LARGE1: variants seen among roughly 807,000 people sequenced by gnomAD.
The protein encoded by LARGE1 is LARGE xylosyl- and glucuronyltransferase 1.
In LARGE1, 43 loss-of-function variants were observed where a neutral mutation model predicts 87.6. The ratio of observed to expected loss-of-function variants is 0.49; its 90% CI spans 0.38 to 0.63. The LOEUF is 0.63. Ranked by LOEUF, LARGE1 falls within the 30% of genes least tolerant of loss-of-function variation. The probability of loss-of-function intolerance (pLI) is 0.00; values close to 1 mark genes in which losing one functional copy is unlikely to be tolerated. For synonymous variants in LARGE1, 434 were observed against 394.6 expected, an observed-to-expected ratio of 1.10 and a Z score of -1.18; for missense variants, 802 against 1,000.2, an observed-to-expected ratio of 0.80 and a Z score of 2.67.
At chr22:33,372,755 T>C (rs1391379069) in intron 9 of LARGE1, among the ~76,000 whole-genome samples, 3 of 152,130 alleles carry the variant, frequency 2.0e-5, no homozygotes, top group African/African-American at 7.2e-5. Flanking sequence ...TGTGTTTTGA[T>C]GAATGAAATT....
rs185283805 is a variant in LARGE1, at chr22:33,199,822, C to T, written c.1731-32990G>A. On this transcript the variant is annotated intron_variant, in intron 11 of 11. Coordinates refer to the LARGE1 transcript ENST00000608642. ...TGGAGGACACATTCAGTCCATAGTA[C>T]GTGCCTGGTACGTGCAGACACTTTT... Among the ~76,000 whole-genome samples the T allele has an allele frequency of 1.2e-4, 18 of 150,366 alleles. No homozygotes were observed. In the East Asian group the frequency reaches 3.1e-3, roughly 26 times the overall value.
chr22:33,084,397 G>A, the LARGE1 span, among the ~76,000 whole-genome samples: 1 of 151,876 alleles, frequency 6.6e-6, no homozygotes, highest in Admixed American at 6.6e-5. Context: ...AGTGGCTCAT[G>A]CCTTTAATCT....
intron 2 of LARGE1, among the ~76,000 whole-genome samples, chr22:33,654,299 G>GTTT (rs2080900169): frequency 6.6e-6 from 1 of 151,926 alleles, no homozygotes; most frequent in African/African-American, 2.4e-5. Flanking sequence ...CCGGTTTGTT[G>GTTT]GTTTGTTTTA....
intron 10 of LARGE1, among the ~76,000 whole-genome samples, chr22:33,331,624 T>C (rs1937715761): frequency 6.6e-6 from 1 of 152,122 alleles, no homozygotes; most frequent in African/African-American, 2.4e-5. Context: ...GCCAGGCTGG[T>C]CTTGAACTCC....
In LARGE1 at chr22:33,604,507, G is replaced by T; in HGVS notation, c.543C>A (p.Ile181=). ...HLIADSIAEQ[I]LATLFQTWMV... ...TCCAGGTCTGGAAGAGCGTGGCCAG[G>T]ATCTGCTCCGCAATGGAGTCAGCAA... The change falls in exon 5 of 15, where the codon ATC becomes ATA. Residue 181 remains isoleucine (I), a synonymous_variant. Transcript: ENST00000397394. The T allele has an allele frequency of 1.2e-6, 2 of 1,614,132 alleles. No individual in the cohort carries two copies. The highest frequency in any genetic ancestry group is 1.7e-6 in the Non-Finnish European group (2 of 1,180,002).
intron 10 of LARGE1, chr22:33,320,897 G>A (rs12485121): frequency 1.3e-5 from 2 of 152,226 alleles, no homozygotes; most frequent in East Asian, 3.9e-4. Flanking sequence ...GAGAAGGGTG[G>A]AGGTGTCAAA....
chr22:33,802,957 T>G (rs896407879), intron 1 of LARGE1, among the ~76,000 whole-genome samples: 9 of 152,056 alleles, frequency 5.9e-5, no homozygotes, highest in Non-Finnish European at 1.3e-4. Flanking sequence ...GCTGGACAGA[T>G]AGATGGGTGG....
the LARGE1 span, among the ~76,000 whole-genome samples, chr22:33,134,619 C>T: frequency 4.6e-5 from 7 of 152,288 alleles, no homozygotes; most frequent in South Asian, 2.1e-4. Flanking sequence ...GTCTTAATAA[C>T]GGCAGTCATT....
At chr22:33,772,135 C>T (rs1486519046) in intron 1 of LARGE1, among the ~76,000 whole-genome samples, 1 of 152,154 alleles carries the variant, frequency 6.6e-6, no homozygotes, top group African/African-American at 2.4e-5. Context: ...AGACCGATAT[C>T]ATCCTGGCTA....
At chr22:33,443,157 T>G (rs2067547412) in intron 6 of LARGE1, among the ~76,000 whole-genome samples, 1 of 152,188 alleles carries the variant, frequency 6.6e-6, no homozygotes, top group Non-Finnish European at 1.5e-5. Context: ...GTGTACTTAT[T>G]TCTACCTTTC....
chr22:33,262,697 C>T (rs1331491840), intron 11 of LARGE1, among the ~76,000 whole-genome samples: 2 of 152,114 alleles, frequency 1.3e-5, no homozygotes, highest in African/African-American at 4.8e-5. Context: ...CCAATGATCT[C>T]ATTCTCTTTC....
intron 1 of LARGE1, chr22:33,856,933 T>G (rs1465745551): frequency 6.6e-6 from 1 of 151,992 alleles, no homozygotes; most frequent in Non-Finnish European, 1.5e-5. Flanking sequence ...AAAATAACTT[T>G]TTTTTTTCTT....
At chr22:33,685,784 G>A (rs1452489791) in intron 2 of LARGE1, among the ~76,000 whole-genome samples, 1 of 152,160 alleles carries the variant, frequency 6.6e-6, no homozygotes, top group East Asian at 1.9e-4. Flanking sequence ...GGAGACACAT[G>A]TGCCAACAAA....
chr22:33,510,803 T>C (rs2148438753), intron 6 of LARGE1, among the ~76,000 whole-genome samples: 2 of 152,276 alleles, frequency 1.3e-5, no homozygotes, highest in Middle Eastern at 6.8e-3. Context: ...CCCAGGCTGG[T>C]CTTGAACTCC....
chr22:33,693,870 C>T (rs147853861), intron 2 of LARGE1, among the ~76,000 whole-genome samples: 1 of 152,158 alleles, frequency 6.6e-6, no homozygotes, highest in East Asian at 1.9e-4. Flanking sequence ...AAAAGAAAAC[C>T]TCAACCCAGA....
intron 10 of LARGE1, among the ~76,000 whole-genome samples, chr22:33,327,272 C>A (rs913153159): frequency 6.6e-6 from 1 of 152,116 alleles, no homozygotes; most frequent in Non-Finnish European, 1.5e-5. Context: ...TGTCAGGGAA[C>A]GTGGCCTTGG....
At chr22:33,127,163 G>A in the LARGE1 span, among the ~76,000 whole-genome samples, 11 of 152,264 alleles carry the variant, frequency 7.2e-5, no homozygotes, top group South Asian at 2.1e-3. Flanking sequence ...CAAACGGAAC[G>A]CATAGGAGCA....
chr22:33,451,891 T>G (rs62225313), intron 6 of LARGE1, among the ~76,000 whole-genome samples: 1 of 152,118 alleles, frequency 6.6e-6, no homozygotes, highest in Non-Finnish European at 1.5e-5. Flanking sequence ...TGCATCCTCA[T>G]AGCTTAGCTC....
At chr22:33,229,401 AC>A (rs1312378894) in intron 11 of LARGE1, among the ~76,000 whole-genome samples, 1 of 152,164 alleles carries the variant, frequency 6.6e-6, no homozygotes, top group African/African-American at 2.4e-5. Context: ...ATAATTAGAG[AC>A]AAAAAGACAA....
Sources: gnomAD v4.1 joint callset for allele counts (sites outside exome capture counted in the v4.1 genomes callset) on GRCh38, gnomAD v4.1.1 for gene constraint, MANE v1.5 for transcripts, NCBI Gene and HGNC (gene_info 2026-07-23, HGNC 2026-07-21) for gene names.